The following CNTN5 variants were observed in gnomAD, a reference collection of about 807,000 sequenced individuals.
CNTN5 encodes contactin 5, also known as contactin-5.
In CNTN5, 77 loss-of-function variants were observed where a neutral mutation model predicts 129.1. The ratio of observed to expected loss-of-function variants is 0.60; its 90% CI spans 0.50 to 0.72. The LOEUF is 0.72. CNTN5 is among the 30% of genes least tolerant of loss of function. The pLI, the probability that CNTN5 is intolerant of heterozygous loss-of-function variation, is 0.00. For missense variants in CNTN5, 1,478 were observed against 1,328.8 expected, an observed-to-expected ratio of 1.11 and a Z score of -1.75; for synonymous variants, 509 against 465.6, an observed-to-expected ratio of 1.09 and a Z score of -1.20.
chr11:99,598,621 C>CTTT (rs61241880), intron 3 of CNTN5, among the ~76,000 whole-genome samples: 1 of 145,426 alleles, frequency 6.9e-6, no homozygotes, highest in Non-Finnish European at 1.5e-5. Flanking sequence ...AAAAAGATAG[C>CTTT]TTTTTTTTTT....
chr11:99,751,484 A>G (rs760975923), intron 3 of CNTN5, among the ~76,000 whole-genome samples: 1 of 152,230 alleles, frequency 6.6e-6, no homozygotes, highest in Non-Finnish European at 1.5e-5. Flanking sequence ...TTAAAATTAT[A>G]TTATTTGACA....
At chr11:99,819,143 G>A (rs958382176) in intron 3 of CNTN5, among the ~76,000 whole-genome samples, 1 of 151,126 alleles carries the variant, frequency 6.6e-6, no homozygotes, top group Non-Finnish European at 1.5e-5. Flanking sequence ...GTAATATTAA[G>A]GTAAACTTTT....
At chr11:99,192,865 A>G (rs1858714684) in intron 1 of CNTN5, among the ~76,000 whole-genome samples, 2 of 152,164 alleles carry the variant, frequency 1.3e-5, no homozygotes, top group African/African-American at 4.8e-5. Context: ...TGCTGTCAAC[A>G]GATGCCCATA....
intron 3 of CNTN5, among the ~76,000 whole-genome samples, chr11:99,787,857 C>G (rs1458545450): frequency 1.3e-5 from 2 of 151,890 alleles, no homozygotes; most frequent in African/African-American, 4.8e-5. Flanking sequence ...TCTCCTTATA[C>G]CATTGCCAAA....
chr11:99,035,009 G>A (rs1284130942), intron 1 of CNTN5, among the ~76,000 whole-genome samples: 1 of 150,486 alleles, frequency 6.6e-6, no homozygotes, highest in African/African-American at 2.4e-5. Flanking sequence ...CTTTATTTCT[G>A]CCTTCATTTC....
intron 6 of CNTN5, among the ~76,000 whole-genome samples, chr11:99,894,388 T>TA (rs907976162): frequency 6.0e-5 from 9 of 150,684 alleles, no homozygotes; most frequent in Non-Finnish European, 1.3e-4. Context: ...AAAACCTAAA[T>TA]AAACAACTGG....
At chr11:100,154,212 G>A (rs1947159806) in intron 13 of CNTN5, among the ~76,000 whole-genome samples, 1 of 152,040 alleles carries the variant, frequency 6.6e-6, no homozygotes, top group African/African-American at 2.4e-5. Flanking sequence ...TTGGCTTTCT[G>A]TTCTTGTGTT....
intron 3 of CNTN5, among the ~76,000 whole-genome samples, chr11:99,711,173 T>G (rs1390682052): frequency 6.6e-6 from 1 of 151,920 alleles, no homozygotes; most frequent in African/African-American, 2.4e-5. Flanking sequence ...AAAGTCACCC[T>G]TTAATAAACT....
At chr11:100,038,755 T>A (rs182924792) in intron 9 of CNTN5, among the ~76,000 whole-genome samples, 1 of 151,946 alleles carries the variant, frequency 6.6e-6, no homozygotes, top group Non-Finnish European at 1.5e-5. Flanking sequence ...TCTTTGTTGG[T>A]TTAAAGTCTG....
intron 13 of CNTN5, among the ~76,000 whole-genome samples, chr11:100,149,946 C>T (rs1169827036): frequency 6.6e-6 from 1 of 151,218 alleles, no homozygotes; most frequent in South Asian, 2.1e-4. Context: ...GGGTAGAGCT[C>T]TTCTCAAAAT....
intron 2 of CNTN5, among the ~76,000 whole-genome samples, chr11:99,451,308 T>A (rs918409460): frequency 6.6e-6 from 1 of 152,116 alleles, no homozygotes. Context: ...GATGACCCCA[T>A]GTTACATTAT....
chr11:99,486,596 A>T (rs1456744078), intron 2 of CNTN5, among the ~76,000 whole-genome samples: 1 of 152,188 alleles, frequency 6.6e-6, no homozygotes, highest in Non-Finnish European at 1.5e-5. Flanking sequence ...TTTTCAGTTA[A>T]CTGTAAAATT....
chr11:99,170,415 A>G (rs1306600869), intron 1 of CNTN5, among the ~76,000 whole-genome samples: 1 of 152,166 alleles, frequency 6.6e-6, no homozygotes, highest in Non-Finnish European at 1.5e-5. Flanking sequence ...GTAATTTGCA[A>G]GATGTCTAAC....
intron 7 of CNTN5, among the ~76,000 whole-genome samples, chr11:99,919,554 T>C (rs1388663968): frequency 3.9e-5 from 6 of 152,114 alleles, no homozygotes; most frequent in Non-Finnish European, 1.5e-5. Context: ...TTCTCTCTCT[T>C]CCCCCTATTT....
intron 9 of CNTN5, among the ~76,000 whole-genome samples, chr11:100,046,214 C>T (rs1309673490): frequency 6.6e-6 from 1 of 152,088 alleles, no homozygotes; most frequent in Non-Finnish European, 1.5e-5. Flanking sequence ...GTGCATCAAA[C>T]ACTTTTGGTC....
chr11:99,495,250 C>A (rs1432236692), intron 2 of CNTN5, among the ~76,000 whole-genome samples: 4 of 152,112 alleles, frequency 2.6e-5, no homozygotes, highest in Non-Finnish European at 5.9e-5. Context: ...CACCTGTAAT[C>A]CCAGCTACTC....
intron 2 of CNTN5, among the ~76,000 whole-genome samples, chr11:99,441,380 C>T (rs1306093938): frequency 2.0e-5 from 3 of 152,126 alleles, no homozygotes; most frequent in Non-Finnish European, 4.4e-5. Context: ...TCAAATTCTC[C>T]TCTGCCCTAA....
rs752003777 is a variant in CNTN5 at position 99,957,041 on chromosome 11, C to A, written c.877+32C>A. 5 of 1,573,242 alleles carry A rather than the reference C, an allele frequency of 3.2e-6. No homozygotes were observed. In the South Asian group the frequency reaches 5.7e-5, roughly 18 times the overall value. On this transcript the variant is annotated intron_variant, in intron 8 of 24. Transcript: ENST00000524871. ...TGCTTGGCCCGTTAAAATGGTCAGC[C>A]AACTCTAATTTGGAAAATAAAGATG...
At chr11:99,036,482 T>C (rs12418453) in intron 1 of CNTN5, among the ~76,000 whole-genome samples, 3,842 of 152,266 alleles carry the variant, frequency 0.025, 102 homozygotes, top group East Asian at 0.1. Flanking sequence ...ATACATGATT[T>C]ATATGAATAG....
Sources: allele counts gnomAD v4.1 joint callset (sites outside exome capture counted in the v4.1 genomes callset), GRCh38; gene constraint gnomAD v4.1.1; transcripts MANE v1.5; gene names NCBI Gene and HGNC (gene_info 2026-07-23, HGNC 2026-07-21).